ANKRD44: variants seen among roughly 807,000 people sequenced by gnomAD.
ANKRD44 encodes the protein serine/threonine-protein phosphatase 6 regulatory ankyrin repeat subunit B.
A neutral mutation model predicts 116.0 loss-of-function variants in ANKRD44; 35 were observed. That is an observed-to-expected ratio of 0.30 (90% CI 0.23 to 0.40). ANKRD44 has a LOEUF of 0.40. ANKRD44 is among the 10% of genes least tolerant of loss of function. The pLI, the probability that ANKRD44 is intolerant of heterozygous loss-of-function variation, is 1.00. For synonymous variants in ANKRD44, 435 were observed against 461.8 expected (o/e 0.94, Z 0.74); for missense variants, 1,014 against 1,242.6 (o/e 0.82, Z 2.77).
chr2:197,273,650 C>T (rs1178991100), intron 1 of ANKRD44, among the ~76,000 whole-genome samples: 4 of 152,060 alleles, frequency 2.6e-5, no homozygotes, highest in Non-Finnish European at 5.9e-5. Flanking sequence ...GCACCTGCGG[C>T]CTGGGCTTCC....
At chr2:197,150,034 A>G (rs1235108913) in intron 2 of ANKRD44, among the ~76,000 whole-genome samples, 1 of 152,142 alleles carries the variant, frequency 6.6e-6, no homozygotes, top group African/African-American at 2.4e-5. Flanking sequence ...TTTTATTTTT[A>G]TTTTTTCCAA....
chr2:197,283,674 T>C (rs1394628812), intron 1 of ANKRD44, among the ~76,000 whole-genome samples: 1 of 152,252 alleles, frequency 6.6e-6, no homozygotes, highest in Admixed American at 6.5e-5. Context: ...GAGTTGTTTT[T>C]TTTTCACAAA....
chr2:197,212,792 A>G lies in ANKRD44; in HGVS notation c.28-25686T>C, dbSNP rs2081354053. On this transcript the variant is annotated intron_variant, in intron 1 of 27. Transcript: ENST00000282272. The surrounding 1 kb of genome is among the most constrained non-coding windows in gnomAD (Gnocchi z 4.8). ...GGAAGGGAGGTGGACACGTACACAC[A>G]CAAACACACACTTCAATCAGGAACT... 6.6e-6 allele frequency among the ~76,000 whole-genome samples: 1 copy of G among 152,166 alleles called. No homozygotes were observed. Among genetic ancestry groups the G allele is most frequent in the African/African-American group, 2.4e-5 (1 of 41,426 alleles).
At chr2:197,088,682 T>G (rs2077979420) in intron 12 of ANKRD44, 29 bp downstream of exon 12, 2 of 1,518,818 alleles carry the variant, frequency 1.3e-6, no homozygotes, top group African/African-American at 2.8e-5. Context: ...TAGTAACTCA[T>G]AAATTAACTA....
chr2:197,065,197 A>G (rs1209316839), intron 16 of ANKRD44, among the ~76,000 whole-genome samples: 1 of 152,262 alleles, frequency 6.6e-6, no homozygotes, highest in African/African-American at 2.4e-5. Context: ...CTGCTCCTGA[A>G]TGACTACTGG....
chr2:197,119,182 T>G (rs373020371), intron 8 of ANKRD44, among the ~76,000 whole-genome samples: 11 of 148,788 alleles, frequency 7.4e-5, no homozygotes, highest in Non-Finnish European at 1.3e-4. Context: ...AAGACTTTTT[T>G]GTAGTCATAT....
chr2:197,220,147 C>T (rs934507783), intron 1 of ANKRD44, among the ~76,000 whole-genome samples: 2 of 152,172 alleles, frequency 1.3e-5, no homozygotes, highest in African/African-American at 4.8e-5. Context: ...ACAAAGATAG[C>T]AGTCATATCC....
chr2:197,013,914 C>T (rs1282374120), intron 17 of ANKRD44, among the ~76,000 whole-genome samples: 1 of 152,230 alleles, frequency 6.6e-6, no homozygotes, highest in African/African-American at 2.4e-5. Flanking sequence ...CCTCACAGTT[C>T]CATATGAGTT....
At chr2:197,259,263 C>CAG (rs1416078884) in intron 1 of ANKRD44, among the ~76,000 whole-genome samples, 1 of 152,202 alleles carries the variant, frequency 6.6e-6, no homozygotes, top group Admixed American at 6.5e-5. Context: ...CAGCTCCTAC[C>CAG]AGAGGCCTCC....
intron 1 of ANKRD44, among the ~76,000 whole-genome samples, chr2:197,206,679 C>T (rs1008780630): frequency 6.6e-6 from 1 of 152,206 alleles, no homozygotes; most frequent in Non-Finnish European, 1.5e-5. Context: ...GGCGCCACTA[C>T]ACTCCAGCCT....
At chr2:197,235,970 A>C (rs546131153) in intron 1 of ANKRD44, among the ~76,000 whole-genome samples, 4 of 152,298 alleles carry the variant, frequency 2.6e-5, no homozygotes, top group African/African-American at 9.6e-5. Context: ...ATATAGTCAT[A>C]AAACAGTAAA....
intron 1 of ANKRD44, among the ~76,000 whole-genome samples, chr2:197,308,247 T>C (rs1282871384): frequency 6.6e-6 from 1 of 151,852 alleles, no homozygotes; most frequent in Non-Finnish European, 1.5e-5. Context: ...GGTACTCCTG[T>C]ACAAACTCTA....
At chr2:197,024,499 T>G (rs1478199528) in intron 17 of ANKRD44, among the ~76,000 whole-genome samples, 1 of 152,216 alleles carries the variant, frequency 6.6e-6, no homozygotes, top group Non-Finnish European at 1.5e-5. Flanking sequence ...ACTCACAATC[T>G]GAGACAGAGT....
chr2:197,287,054 C>T (rs536291419), intron 1 of ANKRD44, among the ~76,000 whole-genome samples: 11 of 152,060 alleles, frequency 7.2e-5, no homozygotes, highest in Admixed American at 1.3e-4. Flanking sequence ...ACCCACAGAA[C>T]GTACAACACC....
chr2:197,235,461 C>A lies in ANKRD44; in HGVS notation c.28-48355G>T, dbSNP rs183159339. ...CAAAACCCCATCTCTACTAAAAATACAAAAATTAGTTGGGCATGGTGGCGG... is the reference window on the plus strand; with the variant it reads ...CAAAACCCCATCTCTACTAAAAATAAAAAAATTAGTTGGGCATGGTGGCGG... On this transcript the variant is annotated intron_variant, in intron 1 of 27. Coordinates refer to ENST00000282272, the MANE Select transcript of ANKRD44 (RefSeq NM_001195144.2). 2.9e-4 allele frequency among the ~76,000 whole-genome samples: 44 copies of A among 151,814 alleles called. 1 individual carries two copies. Among genetic ancestry groups the A allele is most frequent in the African/African-American group, 9.7e-4 (40 of 41,392 alleles).
intron 23 of ANKRD44, 53 bp from the exon 24 acceptor site, chr2:196,999,105 T>C: frequency 6.3e-7 from 1 of 1,592,104 alleles, no homozygotes. Context: ...TTATTCTCGC[T>C]AGTTACTGCC....
At chr2:197,035,534 C>T (rs1234529397) in intron 16 of ANKRD44, among the ~76,000 whole-genome samples, 1 of 152,070 alleles carries the variant, frequency 6.6e-6, no homozygotes, top group Non-Finnish European at 1.5e-5. Context: ...CAAGGAGGTT[C>T]TCTGAGAAGA....
At chr2:197,092,694 G>T (rs1456538072) in intron 10 of ANKRD44, among the ~76,000 whole-genome samples, 2 of 152,094 alleles carry the variant, frequency 1.3e-5, no homozygotes, top group Non-Finnish European at 2.9e-5. Context: ...GCTTGTAATT[G>T]CCTCGCTCAT....
At chr2:197,197,191 T>C (rs1339197034) in intron 1 of ANKRD44, among the ~76,000 whole-genome samples, 1 of 151,634 alleles carries the variant, frequency 6.6e-6, no homozygotes, top group African/African-American at 2.4e-5. Context: ...CATTTCCCCA[T>C]CCAAAATCAT....
Sources: gnomAD v4.1 joint callset for allele counts (sites outside exome capture counted in the v4.1 genomes callset) on GRCh38, gnomAD v4.1.1 for gene constraint, Gnocchi (gnomAD v3.1) non-coding constraint, MANE v1.5 for transcripts, NCBI Gene and HGNC (gene_info 2026-07-23, HGNC 2026-07-21) for gene names.